The following CHRM3 variants were observed in gnomAD, a reference collection of about 807,000 sequenced individuals.
CHRM3 encodes cholinergic receptor muscarinic 3.
In CHRM3, 11 loss-of-function variants were observed where a neutral mutation model predicts 41.8. The observed-to-expected ratio is 0.26, with a 90% CI of 0.17 to 0.44. The LOEUF (loss-of-function observed/expected upper bound fraction) is 0.44. Ranked by LOEUF, CHRM3 falls within the 20% of genes least tolerant of loss-of-function variation. CHRM3 has a pLI of 1.00. For missense variants in CHRM3, 571 were observed against 745.4 expected, an observed-to-expected ratio of 0.77 and a Z score of 2.72; for synonymous variants, 297 against 301.4, an observed-to-expected ratio of 0.99 and a Z score of 0.15.
chr1:239,628,611 G>GT (rs200730392), intron 3 of CHRM3, among the ~76,000 whole-genome samples: 195 of 50,390 alleles, frequency 3.9e-3, no homozygotes, highest in East Asian at 5.7e-3. Context: ...TTTCTGTTCT[G>GT]TTTTTCCCCA....
chr1:239,639,166 G>C (rs1670816984), intron 4 of CHRM3, among the ~76,000 whole-genome samples: 1 of 152,046 alleles, frequency 6.6e-6, no homozygotes, highest in Non-Finnish European at 1.5e-5. Context: ...GGTTACTGTA[G>C]CCTTGTAGTA....
chr1:239,890,699 C>T (rs1678481741), intron 6 of CHRM3, among the ~76,000 whole-genome samples: 1 of 152,114 alleles, frequency 6.6e-6, no homozygotes, highest in African/African-American at 2.4e-5. Context: ...GTTGTATATG[C>T]TATGTACAAC....
chr1:239,663,925 G>A (rs1573193196), intron 4 of CHRM3, among the ~76,000 whole-genome samples: 2 of 152,092 alleles, frequency 1.3e-5, no homozygotes, highest in East Asian at 3.9e-4. Flanking sequence ...TGGTTGGTAA[G>A]TGATCCATTT....
chr1:239,452,130 T>G (rs1664600585), intron 1 of CHRM3, among the ~76,000 whole-genome samples: 1 of 152,148 alleles, frequency 6.6e-6, no homozygotes, highest in Non-Finnish European at 1.5e-5. Flanking sequence ...TCAACCTCAT[T>G]TAGGCCACAT....
At chr1:239,859,435 T>TTTG (rs1675418321) in intron 6 of CHRM3, among the ~76,000 whole-genome samples, 3 of 150,460 alleles carry the variant, frequency 2.0e-5, no homozygotes, top group African/African-American at 7.3e-5. Flanking sequence ...TTTTTTTGTT[T>TTTG]TTTTTTTTGA....
intron 1 of CHRM3, among the ~76,000 whole-genome samples, chr1:239,452,318 A>G (rs35506794): frequency 2.4e-3 from 366 of 152,336 alleles, no homozygotes; most frequent in Middle Eastern, 0.02. Flanking sequence ...AGTTACTCTT[A>G]TTACCCAACC....
chr1:239,789,970 T>C (rs547894964), intron 5 of CHRM3, among the ~76,000 whole-genome samples: 2 of 152,306 alleles, frequency 1.3e-5, no homozygotes, highest in South Asian at 4.1e-4. Flanking sequence ...AAGATTTGAC[T>C]ACCCCACTGG....
At chr1:239,620,820 G>A (rs1393554820) in intron 3 of CHRM3, among the ~76,000 whole-genome samples, 1 of 152,124 alleles carries the variant, frequency 6.6e-6, no homozygotes, top group African/African-American at 2.4e-5. Flanking sequence ...GAGAGAGTTA[G>A]ATTCACAGGC....
intron 3 of CHRM3, among the ~76,000 whole-genome samples, chr1:239,562,582 T>TGATGA (rs1321913435): frequency 2.6e-5 from 4 of 152,036 alleles, no homozygotes; most frequent in African/African-American, 9.7e-5. Context: ...ATGATGATTA[T>TGATGA]TATTATTATT....
intron 5 of CHRM3, among the ~76,000 whole-genome samples, chr1:239,787,145 G>A (rs1422606012): frequency 1.3e-5 from 2 of 152,144 alleles, no homozygotes; most frequent in Admixed American, 1.3e-4. Context: ...ACTCAGACAG[G>A]ATGCAGGAAG....
chr1:239,839,764 T>C (rs1198339487), intron 6 of CHRM3, among the ~76,000 whole-genome samples: 1 of 148,544 alleles, frequency 6.7e-6, no homozygotes, highest in Admixed American at 6.8e-5. Context: ...GTACCATGAA[T>C]GTCTGGGACA....
At chr1:239,699,159 T>C (rs980248503) in intron 5 of CHRM3, among the ~76,000 whole-genome samples, 2 of 152,160 alleles carry the variant, frequency 1.3e-5, no homozygotes, top group African/African-American at 4.8e-5. Flanking sequence ...TTATTTCATG[T>C]ATTAAAAGTA....
At chr1:239,450,464 A>G (rs1169310767) in intron 1 of CHRM3, among the ~76,000 whole-genome samples, 4 of 152,168 alleles carry the variant, frequency 2.6e-5, no homozygotes, top group African/African-American at 7.2e-5. Context: ...TCATATCTTT[A>G]TTCTTATAAA....
intron 5 of CHRM3, among the ~76,000 whole-genome samples, chr1:239,747,699 T>A (rs934344): frequency 6.6e-6 from 1 of 152,012 alleles, no homozygotes; most frequent in Non-Finnish European, 1.5e-5. Context: ...GTTTTCAAAC[T>A]ATTTTATAAG....
chr1:239,541,039 T>A (rs2148389035), intron 2 of CHRM3, among the ~76,000 whole-genome samples: 1 of 152,280 alleles, frequency 6.6e-6, no homozygotes, highest in South Asian at 2.1e-4. Context: ...AATAATTTTG[T>A]TTTATTCAAC....
At chr1:239,696,153 C>T (rs1335900637) in intron 5 of CHRM3, among the ~76,000 whole-genome samples, 1 of 152,080 alleles carries the variant, frequency 6.6e-6, no homozygotes, top group Non-Finnish European at 1.5e-5. Context: ...ATTTAACCTC[C>T]CTAAACTCCA....
chr1:239,411,745 A>C (rs920848544), intron 1 of CHRM3, among the ~76,000 whole-genome samples: 2 of 150,512 alleles, frequency 1.3e-5, no homozygotes, highest in Non-Finnish European at 3.0e-5. Flanking sequence ...AAAAAAAAAA[A>C]AAAAAGCTGG....
At chr1:239,472,861 G>C (rs978645712) in intron 1 of CHRM3, among the ~76,000 whole-genome samples, 1 of 152,082 alleles carries the variant, frequency 6.6e-6, no homozygotes, top group Non-Finnish European at 1.5e-5. Context: ...TGCATATCCT[G>C]CACGTGTACC....
At chr1:239,863,363 C>T (rs1675800630) in intron 6 of CHRM3, among the ~76,000 whole-genome samples, 1 of 152,166 alleles carries the variant, frequency 6.6e-6, no homozygotes, top group Admixed American at 6.5e-5. Flanking sequence ...CTTAGGGTGC[C>T]CTGAATAGCC....
Sources: gnomAD v4.1 joint callset for allele counts (sites outside exome capture counted in the v4.1 genomes callset) on GRCh38, gnomAD v4.1.1 for gene constraint, MANE v1.5 for transcripts, NCBI Gene and HGNC (gene_info 2026-07-23, HGNC 2026-07-21) for gene names.